Variants in C2CD3 observed in about 807,000 individuals in gnomAD.
The protein encoded by C2CD3 is C2 domain-containing protein 3.
A neutral mutation model predicts 234.0 loss-of-function variants in C2CD3; 148 were observed. The observed-to-expected ratio is 0.63, with a 90% CI of 0.55 to 0.72. The LOEUF is 0.72. C2CD3 is among the 30% of genes least tolerant of loss of function. C2CD3 has a pLI of 0.00. For missense variants in C2CD3, 2,577 were observed against 2,811.5 expected, an observed-to-expected ratio of 0.92 and a Z score of 1.89; for synonymous variants, 1,000 against 1,035.4, an observed-to-expected ratio of 0.97 and a Z score of 0.66.
chr11:74,028,515 T>C (rs933320976), intron 31 of C2CD3, 117 bp from the exon 32 acceptor site: 1 of 671,880 alleles, frequency 1.5e-6, no homozygotes, highest in African/African-American at 1.8e-5. Context: ...TCAACTATTC[T>C]TGTCCATAAA....
chr11:74,092,062 T>A (rs10898956), intron 19 of C2CD3, among the ~76,000 whole-genome samples: 61,625 of 149,322 alleles, frequency 0.41, 12,697 homozygotes, highest in East Asian at 0.43. Context: ...ATATATATAT[T>A]TTTTTTTTGA....
intron 3 of C2CD3, among the ~76,000 whole-genome samples, chr11:74,155,074 T>G (rs1467034812): frequency 2.6e-5 from 4 of 152,204 alleles, no homozygotes; most frequent in Non-Finnish European, 5.9e-5. Context: ...TTAAGAGTCC[T>G]GTTCCTGGCA....
chr11:74,042,165 A>C lies in C2CD3; in HGVS notation c.5549T>G (p.Ile1850Ser). 1 of 1,612,574 alleles carries C rather than the reference A, an allele frequency of 6.2e-7. No homozygotes were observed. The highest frequency in any genetic ancestry group is 8.5e-7 in the Non-Finnish European group (1 of 1,179,734). The change falls in exon 29 of 33, where the codon ATT becomes AGT. Residue 1850 changes from isoleucine to serine, a missense_variant. Coordinates refer to ENST00000334126, the MANE Select transcript of C2CD3 (RefSeq NM_001286577.2). The stretch of plus-strand genomic sequence containing the variant: ...ATGCAGGGATTCATGAAACCGGCGA[A>C]TGTTCTGCACATGCTCTTCATGGCG... ...ASRHEEHVQN[I>S]RRFHESLHLQ...
chr11:74,167,631 T>C (rs1856894804), intron 2 of C2CD3, among the ~76,000 whole-genome samples: 2 of 152,254 alleles, frequency 1.3e-5, no homozygotes, highest in Non-Finnish European at 2.9e-5. Context: ...CATGTTTACA[T>C]GATAAATGCT....
intron 3 of C2CD3, among the ~76,000 whole-genome samples, chr11:74,146,918 T>G: frequency 6.6e-6 from 1 of 151,974 alleles, no homozygotes; most frequent in African/African-American, 2.4e-5. Flanking sequence ...ATGGGCGTGG[T>G]GACAGACGCC....
At chr11:74,170,676 TA>T (rs912213424) in intron 1 of C2CD3, 61 bp downstream of exon 1, 31 of 1,597,870 alleles carry the variant, frequency 1.9e-5, no homozygotes, top group Non-Finnish European at 2.6e-5. Flanking sequence ...CGGGTCTCCC[TA>T]AAATTCCTTA....
chr11:74,034,313 T>G, intron 30 of C2CD3, 35 bp from the exon 31 acceptor site: 1 of 1,513,342 alleles, frequency 6.6e-7, no homozygotes, highest in South Asian at 1.3e-5. Flanking sequence ...TATTACAAGG[T>G]AGGGCCACAG....
intron 17 of C2CD3, among the ~76,000 whole-genome samples, chr11:74,094,448 C>A (rs368043793): frequency 2.0e-5 from 3 of 152,098 alleles, no homozygotes; most frequent in East Asian, 3.8e-4. Flanking sequence ...ATTTGAACCT[C>A]AAAATCAACA....
chr11:74,084,705 A>G (rs1187196152), intron 22 of C2CD3, among the ~76,000 whole-genome samples, 176 bp downstream of exon 22: 1 of 152,122 alleles, frequency 6.6e-6, no homozygotes, highest in Non-Finnish European at 1.5e-5. Context: ...AGATCTTTAA[A>G]CTAAAAAAAA....
intron 28 of C2CD3, among the ~76,000 whole-genome samples, chr11:74,046,842 C>T (rs1343931715): frequency 6.6e-6 from 1 of 152,046 alleles, no homozygotes; most frequent in Non-Finnish European, 1.5e-5. Context: ...GCACAAAGAC[C>T]AGAAAGTTTG....
At chr11:74,067,132 C>T (rs779179211) in intron 24 of C2CD3, among the ~76,000 whole-genome samples, 1 of 152,104 alleles carries the variant, frequency 6.6e-6, no homozygotes, top group African/African-American at 2.4e-5. Flanking sequence ...GGGCACAAAA[C>T]CAGACCAGAT....
intron 24 of C2CD3, among the ~76,000 whole-genome samples, chr11:74,066,872 A>T (rs577011930): frequency 8.5e-5 from 13 of 152,098 alleles, no homozygotes; most frequent in Non-Finnish European, 1.9e-4. Context: ...TAAACATTAA[A>T]CTCAGAGAAG....
intron 13 of C2CD3, among the ~76,000 whole-genome samples, chr11:74,105,779 T>G (rs1037382740): frequency 2.0e-5 from 3 of 152,354 alleles, no homozygotes; most frequent in African/African-American, 7.2e-5. Flanking sequence ...TCATCTCTTT[T>G]CTGGACTAAT....
chr11:74,106,527 T>C (rs1161892995), intron 12 of C2CD3, 34 bp from the exon 13 acceptor site: 4 of 1,603,746 alleles, frequency 2.5e-6, no homozygotes, highest in Non-Finnish European at 3.4e-6. Flanking sequence ...TTTAGATTAA[T>C]TAAAGAGAAG....
chr11:74,040,457 G>A (rs2135419950), intron 29 of C2CD3, among the ~76,000 whole-genome samples: 1 of 151,842 alleles, frequency 6.6e-6, no homozygotes, highest in African/African-American at 2.4e-5. Flanking sequence ...CAAAGAATAG[G>A]TTAGTTTTTT....
chr11:74,111,826 T>C (rs1000518868), intron 11 of C2CD3, among the ~76,000 whole-genome samples: 4 of 151,794 alleles, frequency 2.6e-5, no homozygotes, highest in Admixed American at 2.6e-4. Context: ...TTACTGTTAG[T>C]GTATTTTATG....
At chr11:74,089,611 C>G (rs1299652879) in intron 20 of C2CD3, among the ~76,000 whole-genome samples, 9 of 152,176 alleles carry the variant, frequency 5.9e-5, no homozygotes, top group Non-Finnish European at 1.3e-4. Flanking sequence ...TTGTCTGTTT[C>G]TTTGTTCAAA....
chr11:74,074,113 G>T, intron 24 of C2CD3, 140 bp downstream of exon 24: 1 of 694,522 alleles, frequency 1.4e-6, no homozygotes, highest in Non-Finnish European at 2.4e-6. Flanking sequence ...CTTTCATGTT[G>T]CTTAAACCTT....
intron 2 of C2CD3, among the ~76,000 whole-genome samples, chr11:74,166,393 T>C (rs1856816767): frequency 6.6e-6 from 1 of 152,106 alleles, no homozygotes; most frequent in Non-Finnish European, 1.5e-5. Context: ...GTGTCTCCTA[T>C]TGAAATTCTA....
Sources: allele counts gnomAD v4.1 joint callset (sites outside exome capture counted in the v4.1 genomes callset), GRCh38; gene constraint gnomAD v4.1.1; transcripts MANE v1.5; gene names NCBI Gene and HGNC (gene_info 2026-07-23, HGNC 2026-07-21).